Variants in LRRIQ1 observed in about 807,000 individuals in gnomAD.
The protein encoded by LRRIQ1 is leucine-rich repeat- and IQ domain-containing protein 1.
Under a neutral mutation model 211.9 loss-of-function variants are expected in LRRIQ1, and 210 were observed. That is an observed-to-expected ratio of 0.99 (90% CI 0.89 to 1.11). The LOEUF is 1.11. Ranked by LOEUF, LRRIQ1 falls within the 50% of genes most tolerant of loss-of-function variation. LRRIQ1 has a pLI of 0.00. For synonymous variants in LRRIQ1, 699 were observed against 650.1 expected (o/e 1.08, Z -1.14); for missense variants, 2,136 against 1,939.5 (o/e 1.10, Z -1.90).
At chr12:85,062,439 G>A (rs1162640794) in intron 8 of LRRIQ1, among the ~76,000 whole-genome samples, 2 of 151,922 alleles carry the variant, frequency 1.3e-5, no homozygotes, top group Non-Finnish European at 2.9e-5. Flanking sequence ...TTATAAATGA[G>A]AATATGTGGT....
At chr12:85,196,981 GA>G (rs1449481089) in intron 24 of LRRIQ1, among the ~76,000 whole-genome samples, 3 of 151,122 alleles carry the variant, frequency 2.0e-5, no homozygotes, top group Admixed American at 6.6e-5. Flanking sequence ...AAATTTACAA[GA>G]AAAAAACAAA....
intron 24 of LRRIQ1, among the ~76,000 whole-genome samples, chr12:85,198,006 T>C (rs1303253309): frequency 1.7e-5 from 1 of 59,932 alleles, no homozygotes; most frequent in African/African-American, 5.9e-5. Flanking sequence ...ATATAACATA[T>C]ATAATATATT....
chr12:85,111,941 TATATAC>T (rs1323647221), intron 15 of LRRIQ1, among the ~76,000 whole-genome samples: 4 of 114,704 alleles, frequency 3.5e-5, no homozygotes, highest in African/African-American at 1.3e-4. Flanking sequence ...ATTTTATATA[TATATAC>T]ACACACACAC....
intron 24 of LRRIQ1, among the ~76,000 whole-genome samples, chr12:85,206,995 G>A (rs1893590861): frequency 6.6e-6 from 1 of 152,126 alleles, no homozygotes; most frequent in Non-Finnish European, 1.5e-5. Flanking sequence ...AACCCTTGGA[G>A]CTCCAAACGG....
At chr12:85,045,074 G>C (rs1879377616) in intron 4 of LRRIQ1, among the ~76,000 whole-genome samples, 1 of 151,800 alleles carries the variant, frequency 6.6e-6, no homozygotes, top group Admixed American at 6.6e-5. Flanking sequence ...TAAAATAGGA[G>C]AACTATATTA....
At chr12:85,170,525 C>T (rs1395489953) in intron 24 of LRRIQ1, among the ~76,000 whole-genome samples, 1 of 149,764 alleles carries the variant, frequency 6.7e-6, no homozygotes, top group Non-Finnish European at 1.5e-5. Context: ...AACATATATA[C>T]TTTATAGATA....
rs1263550901 is a variant in LRRIQ1, at chr12:85,083,463, C to T, written c.2887+10365C>T. On this transcript the variant is annotated intron_variant, in intron 11 of 26. Coordinates refer to ENST00000393217, the MANE Select transcript of LRRIQ1 (RefSeq NM_001079910.2). ...GTAACTTTTTTTTTTTTTTTTAAGA[C>T]GGAGTCTCACTCTGTCGCCAGGCTG... is the stretch of plus-strand genomic sequence containing the variant. 7.5e-5 allele frequency among the ~76,000 whole-genome samples: 11 copies of T among 145,864 alleles called. No homozygotes were observed. The East Asian group carries it at 1.4e-3, about 19-fold the overall frequency.
In LRRIQ1 at chr12:85,072,793, A is replaced by G; in HGVS notation, c.2696-114A>G. On this transcript the variant is annotated intron_variant, in intron 10 of 26. Coordinates refer to ENST00000393217, the MANE Select transcript of LRRIQ1 (RefSeq NM_001079910.2). ...AGACATTTATTTTTATACAGTATAGATTTAGGTTTTATTTTTTGCTCCAGG... is the reference window on the plus strand; with the variant it reads ...AGACATTTATTTTTATACAGTATAGGTTTAGGTTTTATTTTTTGCTCCAGG... The G allele has an allele frequency of 4.9e-6, 3 of 617,328 alleles. No individual in the cohort carries two copies. The South Asian group carries it at 8.6e-5, about 18-fold the overall frequency. 38.2% of individuals were successfully genotyped at this position (617,328 alleles called of 1,614,324 possible). A position where few individuals can be genotyped will look rare whatever the true frequency, so the allele number is the denominator to read the frequency against.
At chr12:85,225,665 A>G (rs1251705452) in intron 24 of LRRIQ1, among the ~76,000 whole-genome samples, 1 of 152,184 alleles carries the variant, frequency 6.6e-6, no homozygotes. Flanking sequence ...TGCAAGACCC[A>G]TAGAAGTAGC....
intron 24 of LRRIQ1, among the ~76,000 whole-genome samples, chr12:85,172,042 C>A (rs1365298164): frequency 6.6e-6 from 1 of 152,164 alleles, no homozygotes. Flanking sequence ...AAACTTCTTA[C>A]ATCAAAAAGA....
intron 9 of LRRIQ1, among the ~76,000 whole-genome samples, chr12:85,066,204 A>C (rs1048173246): frequency 1.3e-5 from 2 of 151,774 alleles, no homozygotes; most frequent in South Asian, 4.1e-4. Flanking sequence ...TCCCAAATAC[A>C]CCAAAGTATC....
At chr12:85,237,565 G>T (rs1895248488) in intron 26 of LRRIQ1, among the ~76,000 whole-genome samples, 1 of 152,056 alleles carries the variant, frequency 6.6e-6, no homozygotes, top group Admixed American at 6.6e-5. Flanking sequence ...TATCTGAACT[G>T]AAAAGAGACT....
At chr12:85,041,368 A>T (rs1300079347) in intron 3 of LRRIQ1, among the ~76,000 whole-genome samples, 1 of 151,618 alleles carries the variant, frequency 6.6e-6, no homozygotes, top group Non-Finnish European at 1.5e-5. Flanking sequence ...ACAGATAATA[A>T]ACAAATATGC....
rs757943057 is a variant in LRRIQ1, at chr12:85,229,592, A to G, written c.4898A>G (p.Gln1633Arg). The G allele has an allele frequency of 5.8e-5, 94 of 1,613,072 alleles. No individual in the cohort carries two copies. Among genetic ancestry groups the G allele is most frequent in the Non-Finnish European group, 7.7e-5 (91 of 1,179,480 alleles). ...KLERNREYTY[Q>R]WLHTQVGVHE... ...GAACGGAATAGAGAATATACATACC[A>G]ATGGCTTCACACACAGGTTGGGGTT... is the stretch of plus-strand genomic sequence containing the variant. The change falls in exon 25 of 27, where the codon CAA becomes CGA. Residue 1633 changes from glutamine to arginine, a missense_variant. Physicochemically the swap from Gln to Arg is conservative, Grantham distance 43. Transcript: ENST00000393217.
At chr12:85,120,071 A>G (rs1364418046) in intron 15 of LRRIQ1, among the ~76,000 whole-genome samples, 1 of 151,822 alleles carries the variant, frequency 6.6e-6, no homozygotes, top group Non-Finnish European at 1.5e-5. Flanking sequence ...TGATTTTTGA[A>G]CTCTCCTTCC....
chr12:85,184,213 G>A (rs1892123369), intron 24 of LRRIQ1, among the ~76,000 whole-genome samples: 1 of 151,950 alleles, frequency 6.6e-6, no homozygotes, highest in Non-Finnish European at 1.5e-5. Flanking sequence ...TAAAAAACTT[G>A]AAATATATTA....
chr12:85,169,710 C>A (rs1555219956), intron 24 of LRRIQ1, among the ~76,000 whole-genome samples: 1 of 152,052 alleles, frequency 6.6e-6, no homozygotes, highest in Non-Finnish European at 1.5e-5. Flanking sequence ...CTTACCAGCT[C>A]CTCTCTCTCA....
intron 24 of LRRIQ1, among the ~76,000 whole-genome samples, chr12:85,166,832 G>A (rs578124770): frequency 4.5e-4 from 68 of 152,312 alleles, no homozygotes; most frequent in African/African-American, 1.5e-3. Context: ...TTTATAAAAT[G>A]TGATTTATCA....
In LRRIQ1 at chr12:85,160,647, T is replaced by C; in HGVS notation, c.4755T>C (p.Asn1585=). 6.2e-7 allele frequency: 1 copy of C among 1,610,506 alleles called. No homozygotes were observed. The highest frequency in any genetic ancestry group is 1.3e-5 in the African/African-American group (1 of 74,940). ...TGCGTCTAGCCTTATTCAAAAACAA[T>C]GAAAATAAAGTGTCTCTTCCAAAAT... ...STVRLALFKN[N]ENKVSLPKSP... Residue 1585 remains asparagine (N), a synonymous_variant, in exon 24 of 27, where the codon AAT becomes AAC. Transcript: ENST00000393217.
Sources: gnomAD v4.1 joint callset for allele counts (sites outside exome capture counted in the v4.1 genomes callset) on GRCh38, gnomAD v4.1.1 for gene constraint, MANE v1.5 for transcripts, NCBI Gene and HGNC (gene_info 2026-07-23, HGNC 2026-07-21) for gene names.